FYN: variants seen among roughly 807,000 people sequenced by gnomAD.
The protein encoded by FYN is tyrosine-protein kinase Fyn.
Under a neutral mutation model 70.2 loss-of-function variants are expected in FYN, and 10 were observed. The observed-to-expected ratio is 0.14, with a 90% CI of 0.09 to 0.24. The LOEUF (loss-of-function observed/expected upper bound fraction) is 0.24, where lower values mean the gene tolerates loss of function less well. FYN is among the 10% of genes least tolerant of loss of function. The pLI is 1.00. For synonymous variants in FYN, 236 were observed against 248.6 expected (o/e 0.95, Z 0.48); for missense variants, 319 against 673.1 (o/e 0.47, Z 5.82).
chr6:111,696,221 C>G, intron 10 of FYN, 56 bp downstream of exon 10: 1 of 1,414,774 alleles, frequency 7.1e-7, no homozygotes, highest in South Asian at 1.6e-5. Context: ...CATTTCTCTC[C>G]CCTAAACAAC....
intron 1 of FYN, among the ~76,000 whole-genome samples, chr6:111,857,239 A>G (rs1447897296): frequency 6.6e-6 from 1 of 152,220 alleles, no homozygotes; most frequent in African/African-American, 2.4e-5. Context: ...CACACACAGT[A>G]AAAATTCTCC....
At chr6:111,749,539 C>T (rs1802393268) in intron 3 of FYN, among the ~76,000 whole-genome samples, 1 of 152,148 alleles carries the variant, frequency 6.6e-6, no homozygotes, top group Admixed American at 6.5e-5. Context: ...TCTAAAATAT[C>T]CTCCCCTGAG....
At chr6:111,804,024 G>A (rs767813204) in intron 2 of FYN, among the ~76,000 whole-genome samples, 1 of 152,186 alleles carries the variant, frequency 6.6e-6, no homozygotes, top group Non-Finnish European at 1.5e-5. Flanking sequence ...CTAATTGACT[G>A]CGGGGATGAG....
intron 13 of FYN, among the ~76,000 whole-genome samples, chr6:111,671,481 A>G (rs1349461092): frequency 6.6e-6 from 1 of 152,208 alleles, no homozygotes; most frequent in Non-Finnish European, 1.5e-5. Flanking sequence ...TGTCAAGGAA[A>G]CAGCAGGCTA....
At chr6:111,819,800 T>G (rs915412397) in intron 2 of FYN, 1 of 151,836 alleles carries the variant, frequency 6.6e-6, no homozygotes, top group Non-Finnish European at 1.5e-5. Context: ...TAGTCTCATC[T>G]CCCCCACTTT....
chr6:111,769,476 T>C (rs1340054256), intron 3 of FYN, among the ~76,000 whole-genome samples: 2 of 152,184 alleles, frequency 1.3e-5, no homozygotes, highest in African/African-American at 4.8e-5. Flanking sequence ...AGACTTGACA[T>C]TTAGTGGAAA....
intron 9 of FYN, among the ~76,000 whole-genome samples, chr6:111,699,080 T>TCAA (rs1366649578): frequency 1.3e-5 from 2 of 152,174 alleles, no homozygotes; most frequent in Non-Finnish European, 2.9e-5. Context: ...AGACTCCGTC[T>TCAA]CAACAACAAC....
At chr6:111,781,662 A>G (rs1771178998) in intron 2 of FYN, among the ~76,000 whole-genome samples, 1 of 152,180 alleles carries the variant, frequency 6.6e-6, no homozygotes, top group African/African-American at 2.4e-5. Context: ...CTCTGGTAGG[A>G]GGCCTGGCCA....
chr6:111,818,895 T>C (rs1772573214), intron 2 of FYN, among the ~76,000 whole-genome samples: 1 of 152,192 alleles, frequency 6.6e-6, no homozygotes, highest in African/African-American at 2.4e-5. Context: ...GCTTCCTCCA[T>C]TGCCTAACTA....
intron 13 of FYN, among the ~76,000 whole-genome samples, chr6:111,669,876 C>G (rs188889666): frequency 1.8e-4 from 28 of 152,074 alleles, no homozygotes; most frequent in African/African-American, 6.3e-4. Context: ...GAAATACACA[C>G]AAACGGGGGG....
At chr6:111,749,008 G>C (rs1295318590) in intron 3 of FYN, among the ~76,000 whole-genome samples, 1 of 152,110 alleles carries the variant, frequency 6.6e-6, no homozygotes, top group Admixed American at 6.5e-5. Flanking sequence ...TGTTTCCTAG[G>C]AGGTGAATAA....
At chr6:111,736,303 A>G (rs1801707818) in intron 3 of FYN, among the ~76,000 whole-genome samples, 1 of 152,206 alleles carries the variant, frequency 6.6e-6, no homozygotes, top group South Asian at 2.1e-4. Flanking sequence ...TAAAAAATAT[A>G]ATATTAACAC....
intron 2 of FYN, among the ~76,000 whole-genome samples, chr6:111,795,761 C>T (rs1263980687): frequency 6.6e-6 from 1 of 152,180 alleles, no homozygotes; most frequent in Non-Finnish European, 1.5e-5. Context: ...CACAGTAACC[C>T]TACGCAATAG....
At chr6:111,782,093 T>G (rs543829522) in intron 2 of FYN, among the ~76,000 whole-genome samples, 1 of 152,346 alleles carries the variant, frequency 6.6e-6, no homozygotes, top group African/African-American at 2.4e-5. Flanking sequence ...GACCCAGCTT[T>G]CAGGCCTAGC....
intron 12 of FYN, chr6:111,676,471 T>C (rs552801246): frequency 6.6e-6 from 1 of 152,370 alleles, no homozygotes; most frequent in East Asian, 1.9e-4. Context: ...TCAGTTGTTT[T>C]GTTTTTAAGG....
chr6:111,734,670 AAAC>A (rs1179913112), intron 3 of FYN, among the ~76,000 whole-genome samples: 1 of 152,118 alleles, frequency 6.6e-6, no homozygotes, highest in Non-Finnish European at 1.5e-5. Flanking sequence ...AGTTAGAAGA[AAAC>A]AATAACAAGA....
At chr6:111,871,611 T>G (rs1384401608) in intron 1 of FYN, among the ~76,000 whole-genome samples, 1 of 152,222 alleles carries the variant, frequency 6.6e-6, no homozygotes, top group Non-Finnish European at 1.5e-5. Flanking sequence ...CTCTTAGACT[T>G]GAGAGAAGAA....
intron 1 of FYN, among the ~76,000 whole-genome samples, chr6:111,857,705 A>C (rs1019631067): frequency 6.6e-6 from 1 of 152,220 alleles, no homozygotes; most frequent in Non-Finnish European, 1.5e-5. Context: ...AGAAAAAAAA[A>C]CAATCTTACT....
intron 2 of FYN, among the ~76,000 whole-genome samples, chr6:111,843,034 T>C (rs939117664): frequency 1.3e-4 from 20 of 152,254 alleles, no homozygotes; most frequent in African/African-American, 4.3e-4. Context: ...GTCTATCAAA[T>C]AGGCAGTAGT....
Sources: allele counts gnomAD v4.1 joint callset (sites outside exome capture counted in the v4.1 genomes callset), GRCh38; gene constraint gnomAD v4.1.1; transcripts MANE v1.5; gene names NCBI Gene and HGNC (gene_info 2026-07-23, HGNC 2026-07-21).